Variants in TIE1 observed in about 807,000 individuals in gnomAD.
The protein encoded by TIE1 is tyrosine kinase with immunoglobulin like and EGF like domains 1, also known as tyrosine-protein kinase receptor Tie-1.
Under a neutral mutation model 130.5 loss-of-function variants are expected in TIE1, and 89 were observed. The observed-to-expected ratio is 0.68, with a 90% CI of 0.57 to 0.81. The LOEUF (loss-of-function observed/expected upper bound fraction) is 0.81. Among genes scored for constraint, TIE1 ranks in the 40% least tolerant of loss-of-function variants. TIE1 has a pLI of 0.00. For missense variants in TIE1, 1,392 were observed against 1,559.8 expected (o/e 0.89, Z 1.81); for synonymous variants, 568 against 629.4 (o/e 0.90, Z 1.46).
intron 1 of TIE1, among the ~76,000 whole-genome samples, chr1:43,304,420 G>T (rs1646701868): frequency 6.6e-6 from 1 of 152,218 alleles, no homozygotes. Flanking sequence ...GTGGCTCACA[G>T]CAACCTTTGC....
rs1311370210 is a variant in TIE1 at position 43,307,572 on chromosome 1, G to C, written c.913G>C (p.Ala305Pro). ...CTGGAGAGGAAGCCAGTGCCAAGAA[G>C]GTATGCCTAACCTACCCTCATGGTC... ...SGWRGSQCQE[A>P]CAPGHFGADC... Residue 305 changes from alanine (A) to proline (P), a missense_variant and splice_region_variant, in exon 6 of 23, where the codon GCT becomes CCT. By Grantham distance (27) the Ala-to-Pro change is conservative. This residue lies in a region of TIE1 where 28 missense variants were observed against 54.7 expected (regional missense o/e 0.51). Transcript: ENST00000372476. This position sits in a 1 kb window ranked among gnomAD's most constrained non-coding sequence, Gnocchi z 5.4. 1 of 1,613,948 alleles carries C rather than the reference G, an allele frequency of 6.2e-7. No homozygotes were observed. Among genetic ancestry groups the C allele is most frequent in the Non-Finnish European group, 8.5e-7 (1 of 1,180,022 alleles).
rs1354210634 is a variant in TIE1, at chr1:43,307,212, C to T, written c.711C>T (p.Cys237=). ...ECPGCLHGGV[C]HDHDGECVCP... is the part of the protein sequence containing the mutation. ...CAGGTTGCCTACATGGAGGTGTCTGCCACGACCATGACGGCGAATGTGTAT... is the reference window on the plus strand; with the variant it reads ...CAGGTTGCCTACATGGAGGTGTCTGTCACGACCATGACGGCGAATGTGTAT... Residue 237 remains cysteine (C), a synonymous_variant, in exon 5 of 23, where the codon TGC becomes TGT. Transcript: ENST00000372476. This position sits in a 1 kb window ranked among gnomAD's most constrained non-coding sequence, Gnocchi z 5.4. The T allele has an allele frequency of 6.2e-7, 1 of 1,614,154 alleles. No individual in the cohort carries two copies. Among genetic ancestry groups the T allele is most frequent in the Admixed American group, 1.7e-5 (1 of 60,026 alleles).
rs1315917802 is a variant in TIE1 at position 43,311,758 on chromosome 1, A to T, written c.1421A>T (p.Asp474Val). The change falls in exon 10 of 23, where the codon GAT becomes GTT. Residue 474 changes from aspartate (D) to valine (V), a missense_variant. Transcript: ENST00000372476. ...TCCCCGCTGGTCTCGTTCTCTGGGG[A>T]TGGACCCATCTCCACTGTCCGCCTG... is the stretch of plus-strand genomic sequence containing the variant. ...VVSPLVSFSG[D>V]GPISTVRLHY... is the part of the protein sequence containing the mutation. 6.2e-7 allele frequency: 1 copy of T among 1,614,032 alleles called. No individual in the cohort carries two copies. Among genetic ancestry groups the T allele is most frequent in the South Asian group, 1.1e-5 (1 of 91,078 alleles).
At position 43,317,939 on chromosome 1, in the gene TIE1, G is replaced by A. The variant is rs781320560; in HGVS notation, c.2789G>A (p.Arg930Gln). 1.1e-5 allele frequency: 17 copies of A among 1,613,952 alleles called. No individual in the cohort carries two copies. Among genetic ancestry groups the A allele is most frequent in the Middle Eastern group, 1.6e-4 (1 of 6,084 alleles). Residue 930 changes from arginine (R) to glutamine (Q), a missense_variant, in exon 17 of 23, where the codon CGG becomes CAG. This residue lies in a region of TIE1 where 286 missense variants were observed against 354.4 expected (regional missense o/e 0.81). Coordinates refer to ENST00000372476, the MANE Select transcript of TIE1 (RefSeq NM_005424.5). This position sits in a 1 kb window ranked among gnomAD's most constrained non-coding sequence, Gnocchi z 5.1. Reference protein sequence around the residue: ...APYGNLLDFLRKSRVLETDPA... With the variant: ...APYGNLLDFLQKSRVLETDPA... ...TACGGGAACCTGCTAGATTTTCTGC[G>A]GAAAAGCCGGGTCCTAGAGACTGAC...
Position 43,311,697 on chromosome 1 carries a change from C to G in TIE1, c.1360C>G (p.Arg454Gly). The change falls in exon 10 of 23, where the codon CGG (arginine) becomes GGG (glycine). Residue 454 changes from arginine to glycine, a missense_variant. Transcript: ENST00000372476. ...KVPPVPLAAP[R>G]LLTKQSRQLV... ...GCCCCCCGTGCCCCTGGCTGCACCT[C>G]GGCTCCTGACCAAGCAGAGCCGCCA... 6.2e-7 allele frequency: 1 copy of G among 1,613,648 alleles called. No homozygotes were observed. Among genetic ancestry groups the G allele is most frequent in the Non-Finnish European group, 8.5e-7 (1 of 1,179,850 alleles).
At position 43,315,760 on chromosome 1, in the gene TIE1, TG is replaced by T; in HGVS notation, c.2410-1434del. ...ACACAGAAAGCCCTCACTGCTGTGG[TG>T]GGGGAGGGTAATGGGTACAGATGTC... On this transcript the variant is annotated intron_variant, in intron 14 of 22. Transcript: ENST00000372476. This position sits in a 1 kb window ranked among gnomAD's most constrained non-coding sequence, Gnocchi z 4.4. Among the ~76,000 whole-genome samples the T allele has an allele frequency of 6.6e-6, 1 of 152,160 alleles. No individual in the cohort carries two copies. Among genetic ancestry groups the T allele is most frequent in the East Asian group, 1.9e-4 (1 of 5,182 alleles).
chr1:43,303,972 G>A (rs896310244), intron 1 of TIE1, among the ~76,000 whole-genome samples: 9 of 152,320 alleles, frequency 5.9e-5, no homozygotes, highest in African/African-American at 1.2e-4. Flanking sequence ...CAACTAGGGC[G>A]TGAGCTCTTT....
chr1:43,317,708 C>A lies in TIE1; in HGVS notation c.2731+34C>A. ...CCAGCTCATCACCTACCCCTTCTTCCAAACCCCCATCCTCAGCCATCACCT... is the reference window on the plus strand; with the variant it reads ...CCAGCTCATCACCTACCCCTTCTTCAAAACCCCCATCCTCAGCCATCACCT... On this transcript the variant is annotated intron_variant, in intron 16 of 22. Transcript: ENST00000372476. This position sits in a 1 kb window ranked among gnomAD's most constrained non-coding sequence, Gnocchi z 5.1. 6.5e-7 allele frequency: 1 copy of A among 1,538,206 alleles called. No individual in the cohort carries two copies. Among genetic ancestry groups the A allele is most frequent in the South Asian group, 1.2e-5 (1 of 80,882 alleles).
chr1:43,314,433 T>C (rs1646839483), intron 14 of TIE1: 1 of 1,083,718 alleles, frequency 9.2e-7, no homozygotes, highest in Non-Finnish European at 1.1e-6. Flanking sequence ...CTTTGGCTGA[T>C]GTTCTTAGCC....
At chr1:43,321,921 T>C (rs1226997604) in intron 22 of TIE1, among the ~76,000 whole-genome samples, 2 of 152,050 alleles carry the variant, frequency 1.3e-5, no homozygotes, top group Non-Finnish European at 2.9e-5. Flanking sequence ...CCAAAACTCT[T>C]CCAAGGCCAC....
At position 43,313,062 on chromosome 1, in the gene TIE1, G is replaced by A; in HGVS notation, c.1928-73G>A. 2 of 1,502,626 alleles carry A rather than the reference G, an allele frequency of 1.3e-6. No individual in the cohort carries two copies. The highest frequency in any genetic ancestry group is 9.0e-7 in the Non-Finnish European group (1 of 1,114,286). The allele number at this position is 1,502,626 out of a possible 1,614,324, so 93.1% of individuals were successfully genotyped here. A position where few individuals can be genotyped will look rare whatever the true frequency, so the allele number is the denominator to read the frequency against. On this transcript the variant is annotated intron_variant, in intron 12 of 22. Coordinates refer to ENST00000372476, the MANE Select transcript of TIE1 (RefSeq NM_005424.5). This position sits in a 1 kb window ranked among gnomAD's most constrained non-coding sequence, Gnocchi z 6.2. ...CCACAGAGGAGGGAGCACAGCTAGA[G>A]CAGATGTGTCCAGCCCCACAGCTAC... is the stretch of plus-strand genomic sequence containing the variant.
chr1:43,317,890 T>C lies in TIE1; in HGVS notation c.2740T>C (p.Tyr914His). 6.2e-7 allele frequency: 1 copy of C among 1,614,158 alleles called. No homozygotes were observed. The highest frequency in any genetic ancestry group is 8.5e-7 in the Non-Finnish European group (1 of 1,179,982). The change falls in exon 17 of 23, where the codon TAT becomes CAT. Residue 914 changes from tyrosine (Y) to histidine (H), a missense_variant. Around this residue, in one of 6 missense-constraint regions of TIE1, gnomAD observed 286 missense variants for 354.4 expected, o/e 0.81. Transcript: ENST00000372476. The surrounding 1 kb of genome is among the most constrained non-coding windows in gnomAD (Gnocchi z 5.1). Reference protein sequence around the residue: ...LGACKNRGYLYIAIEYAPYGN... With the variant: ...LGACKNRGYLHIAIEYAPYGN... ...GTCTCTTTGCCTCTCAGGTTACTTG[T>C]ATATCGCTATTGAATATGCCCCCTA...
chr1:43,306,747 G>A lies in TIE1; in HGVS notation c.485-93G>A, dbSNP rs547001812. The A allele has an allele frequency of 2.8e-6, 4 of 1,432,230 alleles. No homozygotes were observed. Among genetic ancestry groups the A allele is most frequent in the East Asian group, 2.3e-5 (1 of 43,732 alleles). The allele number at this position is 1,432,230 out of a possible 1,614,324, so 88.7% of individuals were successfully genotyped here. A position where few individuals can be genotyped will look rare whatever the true frequency, so the allele number is the denominator to read the frequency against. ...CCCTAGGTCTCATCACTGTGCATGG[G>A]GCTCATTGATGTGAGCTGAGCAGAG... On this transcript the variant is annotated intron_variant, in intron 3 of 22. Transcript: ENST00000372476. The surrounding 1 kb of genome is among the most constrained non-coding windows in gnomAD (Gnocchi z 4.9).
chr1:43,308,316 G>A (rs556341993), intron 7 of TIE1, among the ~76,000 whole-genome samples: 3 of 152,326 alleles, frequency 2.0e-5, no homozygotes, highest in Non-Finnish European at 4.4e-5. Context: ...CAGGGATTGG[G>A]GACTCAGGTT....
At position 43,317,867 on chromosome 1, in the gene TIE1, C is replaced by G. The variant is rs1250076872; in HGVS notation, c.2732-15C>G. 1 of 1,613,110 alleles carries G rather than the reference C, an allele frequency of 6.2e-7. No homozygotes were observed. Among genetic ancestry groups the G allele is most frequent in the African/African-American group, 1.3e-5 (1 of 74,910 alleles). On this transcript the variant is annotated splice_polypyrimidine_tract_variant and intron_variant, in intron 16 of 22. Coordinates refer to ENST00000372476, the MANE Select transcript of TIE1 (RefSeq NM_005424.5). This position sits in a 1 kb window ranked among gnomAD's most constrained non-coding sequence, Gnocchi z 5.1. ...CTGTGTCTAAATCACCACTGTCTGT[C>G]TCTTTGCCTCTCAGGTTACTTGTAT...
rs939493526 is a variant in TIE1, at chr1:43,316,933, C to G, written c.2410-266C>G. ...GTTCTGCCTTCCAGAGTCCCGTACA[C>G]TAGATCCCCTGGCTGCAGCCTCTGC... On this transcript the variant is annotated intron_variant, in intron 14 of 22. Coordinates refer to ENST00000372476, the MANE Select transcript of TIE1 (RefSeq NM_005424.5). The surrounding 1 kb of genome is among the most constrained non-coding windows in gnomAD (Gnocchi z 4.4). 6.6e-6 allele frequency among the ~76,000 whole-genome samples: 1 copy of G among 152,206 alleles called. No individual in the cohort carries two copies. The highest frequency in any genetic ancestry group is 1.5e-5 in the Non-Finnish European group (1 of 68,030).
At chr1:43,304,713 G>T in intron 1 of TIE1, 138 bp from the exon 2 acceptor site, 1 of 899,728 alleles carries the variant, frequency 1.1e-6, no homozygotes, top group Non-Finnish European at 1.5e-6. Context: ...ACCGGGCAGG[G>T]GAAGGAAGAG....
chr1:43,313,703 C>G lies in TIE1; in HGVS notation c.2219-75C>G. ...GCACTGGGATCTTTCACCTCTCCCT[C>G]TGTGTAACCCCATGGTGGCCTCTGG... On this transcript the variant is annotated intron_variant, in intron 13 of 22. Coordinates refer to ENST00000372476, the MANE Select transcript of TIE1 (RefSeq NM_005424.5). The surrounding 1 kb of genome is among the most constrained non-coding windows in gnomAD (Gnocchi z 6.2). The G allele has an allele frequency of 3.4e-6, 5 of 1,450,156 alleles. No individual in the cohort carries two copies. Among genetic ancestry groups the G allele is most frequent in the Non-Finnish European group, 4.6e-6 (5 of 1,080,530 alleles). 89.8% of individuals were successfully genotyped at this position (1,450,156 alleles called of 1,614,324 possible).
rs569836023 is a variant in TIE1 at position 43,314,481 on chromosome 1, G to T, written c.2409+513G>T. The T allele has an allele frequency of 2.1e-4, 215 of 1,024,890 alleles. No homozygotes were observed. The African/African-American group carries it at 3.5e-3, about 16-fold the overall frequency. The allele number at this position is 1,024,890 out of a possible 1,614,324, so 63.5% of individuals were successfully genotyped here. ...CCTGCCAGTAGGCCAGTCATGCTGT[G>T]AGCTCCTCATCCTAACCTTCATTCT... On this transcript the variant is annotated intron_variant, in intron 14 of 22. Coordinates refer to ENST00000372476, the MANE Select transcript of TIE1 (RefSeq NM_005424.5).
Sources: gnomAD v4.1 joint callset for allele counts (sites outside exome capture counted in the v4.1 genomes callset) on GRCh38, gnomAD v4.1.1 for gene constraint, gnomAD v4.1.1 regional missense constraint, Gnocchi (gnomAD v3.1) non-coding constraint, MANE v1.5 for transcripts, NCBI Gene and HGNC (gene_info 2026-07-23, HGNC 2026-07-21) for gene names.